Variants in ASXL2 observed in about 807,000 individuals in gnomAD.
The protein encoded by ASXL2 is putative Polycomb group protein ASXL2.
In ASXL2, 23 loss-of-function variants were observed where a neutral mutation model predicts 122.0. The ratio of observed to expected loss-of-function variants is 0.19; its 90% CI spans 0.14 to 0.27. The LOEUF (loss-of-function observed/expected upper bound fraction) is 0.27, where lower values mean the gene tolerates loss of function less well. ASXL2 is among the 10% of genes least tolerant of loss of function. The probability of loss-of-function intolerance (pLI) is 1.00; values close to 1 mark genes in which losing one functional copy is unlikely to be tolerated. For missense variants in ASXL2, 1,518 were observed against 1,713.8 expected, an observed-to-expected ratio of 0.89 and a Z score of 2.02; for synonymous variants, 650 against 637.0, an observed-to-expected ratio of 1.02 and a Z score of -0.31.
intron 9 of ASXL2, among the ~76,000 whole-genome samples, chr2:25,757,135 T>C (rs898270806): frequency 1.3e-5 from 2 of 152,218 alleles, no homozygotes; most frequent in African/African-American, 4.8e-5. Flanking sequence ...CTGGTCTAAA[T>C]ATTTTTCTAC....
chr2:25,800,439 G>A (rs1187983942), intron 4 of ASXL2, among the ~76,000 whole-genome samples: 1 of 152,132 alleles, frequency 6.6e-6, no homozygotes, highest in Non-Finnish European at 1.5e-5. Flanking sequence ...ATTGGTTCCT[G>A]AATATTGGTT....
intron 8 of ASXL2, among the ~76,000 whole-genome samples, chr2:25,766,526 G>A (rs1374603068): frequency 6.6e-6 from 1 of 152,142 alleles, no homozygotes; most frequent in Non-Finnish European, 1.5e-5. Flanking sequence ...TTATCAAGAT[G>A]ATCTCTGCTT....
intron 8 of ASXL2, among the ~76,000 whole-genome samples, chr2:25,760,575 A>T (rs1206618990): frequency 6.6e-6 from 1 of 152,232 alleles, no homozygotes; most frequent in Non-Finnish European, 1.5e-5. Flanking sequence ...ATAAAACTAC[A>T]GGATCCAGAA....
intron 12 of ASXL2, among the ~76,000 whole-genome samples, chr2:25,746,351 C>T (rs961558464): frequency 1.3e-5 from 2 of 152,094 alleles, no homozygotes; most frequent in Non-Finnish European, 2.9e-5. Context: ...CCTATTTAAT[C>T]TCTCTAAGAG....
chr2:25,863,554 G>A (rs950560337), intron 1 of ASXL2, among the ~76,000 whole-genome samples: 94 of 151,544 alleles, frequency 6.2e-4, no homozygotes, highest in African/African-American at 1.9e-3. Context: ...TTAGCCAGGC[G>A]TGGTGGCAGG....
intron 1 of ASXL2, among the ~76,000 whole-genome samples, chr2:25,864,160 T>C (rs1409879502): frequency 1.3e-5 from 2 of 152,052 alleles, no homozygotes; most frequent in African/African-American, 2.4e-5. Context: ...GGTGGAGCAC[T>C]GGGCACAAAA....
At chr2:25,855,882 CATTTATTTATTT>C (rs147256555) in intron 1 of ASXL2, among the ~76,000 whole-genome samples, 3 of 142,536 alleles carry the variant, frequency 2.1e-5, no homozygotes, top group East Asian at 2.0e-4. Context: ...CTTGATAATG[CATTTATTTATTT>C]ATTTATTTAT....
intron 1 of ASXL2, among the ~76,000 whole-genome samples, chr2:25,866,167 T>A (rs918639115): frequency 6.6e-6 from 1 of 151,484 alleles, no homozygotes; most frequent in Admixed American, 6.6e-5. Flanking sequence ...AGTCTCGCTC[T>A]GTCGCAAGGC....
chr2:25,858,735 T>G (rs2149199040), intron 1 of ASXL2, among the ~76,000 whole-genome samples: 1 of 150,924 alleles, frequency 6.6e-6, no homozygotes, highest in African/African-American at 2.4e-5. Flanking sequence ...AAAAAAAAAT[T>G]TAAAGCCTAA....
Position 25,742,895 on chromosome 2 carries a change from C to T in ASXL2, c.3442G>A (p.Asp1148Asn), listed in dbSNP as rs753079173. The T allele has an allele frequency of 1.2e-5, 19 of 1,613,878 alleles. 1 individual carries two copies. Among genetic ancestry groups the T allele is most frequent in the Middle Eastern group, 3.3e-4 (2 of 6,084 alleles). Residue 1148 changes from aspartate to asparagine, a missense_variant, in exon 13 of 13, where the codon GAT (aspartate) becomes AAT (asparagine). Transcript: ENST00000435504. ...FRRTHSVNPE[D>N]RFCLSSPTEA... ...GTGGGGCTGCTTAGACAAAAACGAT[C>T]TTCAGGGTTTACAGAATGGGTCCTC... is the stretch of plus-strand genomic sequence containing the variant.
chr2:25,756,124 A>C lies in ASXL2; in HGVS notation c.940-10T>G. Reference sequence around the variant, plus strand: ...AACCATCTGGACCAACCTGGGTCAAAGAATAAGCCAAGGAAAGCTTACAAA... The same window carrying C: ...AACCATCTGGACCAACCTGGGTCAACGAATAAGCCAAGGAAAGCTTACAAA... On this transcript the variant is annotated splice_polypyrimidine_tract_variant and intron_variant, in intron 9 of 12. Transcript: ENST00000435504. 9 of 1,552,940 alleles carry C rather than the reference A, an allele frequency of 5.8e-6. No individual in the cohort carries two copies. The highest frequency in any genetic ancestry group is 7.8e-6 in the Non-Finnish European group (9 of 1,149,804).
intron 4 of ASXL2, among the ~76,000 whole-genome samples, chr2:25,800,529 G>T (rs908067935): frequency 2.0e-5 from 3 of 152,066 alleles, no homozygotes; most frequent in African/African-American, 7.2e-5. Context: ...GAAAAAGAAA[G>T]AAATCATTTA....
At chr2:25,784,692 C>T (rs140276244) in intron 5 of ASXL2, among the ~76,000 whole-genome samples, 247 of 152,318 alleles carry the variant, frequency 1.6e-3, no homozygotes, top group Middle Eastern at 6.8e-3. Flanking sequence ...ACTTCAACCT[C>T]GTCTCCATCG....
At chr2:25,818,528 T>TG (rs2089268234) in intron 3 of ASXL2, among the ~76,000 whole-genome samples, 1 of 152,052 alleles carries the variant, frequency 6.6e-6, no homozygotes, top group African/African-American at 2.4e-5. Flanking sequence ...GAGAAACCCA[T>TG]GCTAAAGACT....
chr2:25,743,920 A>C lies in ASXL2; in HGVS notation c.2417T>G (p.Leu806Arg), dbSNP rs774227218. The C allele has an allele frequency of 2.4e-5, 38 of 1,613,820 alleles. No homozygotes were observed. Among genetic ancestry groups the C allele is most frequent in the South Asian group, 3.3e-5 (3 of 91,082 alleles). The change falls in exon 13 of 13, where the codon CTG becomes CGG. Residue 806 changes from leucine (L) to arginine (R), a missense_variant. This residue lies in a region of ASXL2 where 831 missense variants were observed against 833.1 expected (regional missense o/e 1.00). Transcript: ENST00000435504. ...AHIEKLDNEKLNPTRATATVA... is the reference protein window; with the variant it reads ...AHIEKLDNEKRNPTRATATVA... Reference sequence around the variant, plus strand: ...TGTGGCTGTTGCTCTGGTGGGGTTCAGTTTTTCATTATCCAATTTCTCTAT... The same window carrying C: ...TGTGGCTGTTGCTCTGGTGGGGTTCCGTTTTTCATTATCCAATTTCTCTAT...
intron 5 of ASXL2, among the ~76,000 whole-genome samples, chr2:25,794,779 T>C (rs908303936): frequency 2.6e-5 from 4 of 152,160 alleles, no homozygotes; most frequent in Admixed American, 6.6e-5. Context: ...TTACAATGCA[T>C]TTGAAATAAA....
At chr2:25,769,819 A>G (rs2088415722) in intron 6 of ASXL2, among the ~76,000 whole-genome samples, 1 of 152,156 alleles carries the variant, frequency 6.6e-6, no homozygotes, top group African/African-American at 2.4e-5. Flanking sequence ...TCTTTTCCCA[A>G]TAGTTTCCTC....
chr2:25,772,804 A>G (rs1024988180), intron 5 of ASXL2, among the ~76,000 whole-genome samples: 5 of 151,390 alleles, frequency 3.3e-5, no homozygotes, highest in Non-Finnish European at 7.4e-5. Flanking sequence ...ATGTAGAAGC[A>G]TAGCTCATTG....
chr2:25,790,507 G>T (rs1370025141), intron 5 of ASXL2, among the ~76,000 whole-genome samples: 1 of 151,582 alleles, frequency 6.6e-6, no homozygotes, highest in Non-Finnish European at 1.5e-5. Context: ...TCACAAAGTG[G>T]TACTTATAGA....
Sources: allele counts gnomAD v4.1 joint callset (sites outside exome capture counted in the v4.1 genomes callset), GRCh38; gene constraint gnomAD v4.1.1; regional missense constraint gnomAD v4.1.1; transcripts MANE v1.5; gene names NCBI Gene and HGNC (gene_info 2026-07-23, HGNC 2026-07-21).